Variants in LEPROTL1 observed in about 807,000 individuals in gnomAD.
LEPROTL1 encodes the protein leptin receptor overlapping transcript-like 1.
A neutral mutation model predicts 15.4 loss-of-function variants in LEPROTL1; 6 were observed. The ratio of observed to expected loss-of-function variants is 0.39; its 90% CI spans 0.21 to 0.77. The LOEUF (loss-of-function observed/expected upper bound fraction) is 0.77, where lower values mean the gene tolerates loss of function less well. LEPROTL1 is among the 30% of genes least tolerant of loss of function. The pLI, the probability that LEPROTL1 is intolerant of heterozygous loss-of-function variation, is 0.41. For synonymous variants in LEPROTL1, 56 were observed against 52.6 expected (o/e 1.06, Z -0.28); for missense variants, 128 against 158.1 (o/e 0.81, Z 1.02).
Position 30,107,473 on chromosome 8 carries a change from T to TCCCA in LEPROTL1, c.*1611_*1612insCCCA. On this transcript the variant is annotated 3_prime_UTR_variant, in exon 4 of 4. Coordinates refer to ENST00000321250, the MANE Select transcript of LEPROTL1 (RefSeq NM_015344.3). ...GCTGTCTGTTGTTTTATGAAGTTTA[T>TCCCA]TTCTCAAGAAAATGGGAATAAATTT... The TCCCA allele has an allele frequency of 2.0e-6, 2 of 985,884 alleles. No homozygotes were observed. Among genetic ancestry groups the TCCCA allele is most frequent in the Non-Finnish European group, 2.4e-6 (2 of 829,926 alleles). 61.1% of individuals were successfully genotyped at this position (985,884 alleles called of 1,614,324 possible).
chr8:30,126,582 G>A (rs995520312), intron 3 of LEPROTL1, among the ~76,000 whole-genome samples: 11 of 152,184 alleles, frequency 7.2e-5, no homozygotes, highest in African/African-American at 2.7e-4. Context: ...GCCAAGGTTG[G>A]ATTGTCTCCT....
intron 4 of LEPROTL1, chr8:30,137,155 G>T (rs1472980080): frequency 1.2e-5 from 10 of 805,940 alleles, no homozygotes; most frequent in Non-Finnish European, 1.8e-5. Context: ...ACCAGAGAGA[G>T]CCAGGAACAT....
At chr8:30,134,560 G>A (rs1197036683) in intron 4 of LEPROTL1, among the ~76,000 whole-genome samples, 1 of 151,304 alleles carries the variant, frequency 6.6e-6, no homozygotes, top group African/African-American at 2.4e-5. Flanking sequence ...TATTTTTTTG[G>A]AGACAGAGTC....
downstream of LEPROTL1, among the ~76,000 whole-genome samples, chr8:30,108,879 C>T (rs1802613469): frequency 6.6e-6 from 1 of 152,034 alleles, no homozygotes; most frequent in African/African-American, 2.4e-5. Flanking sequence ...CGCCCTGCCG[C>T]TCAGCCTTCT....
At position 30,095,490 on chromosome 8, in the gene LEPROTL1, G is replaced by A; in HGVS notation, c.-23G>A. 1 of 1,463,176 alleles carries A rather than the reference G, an allele frequency of 6.8e-7. No individual in the cohort carries two copies. Among genetic ancestry groups the A allele is most frequent in the Non-Finnish European group, 9.0e-7 (1 of 1,111,736 alleles). The allele number at this position is 1,463,176 out of a possible 1,614,324, so 90.6% of individuals were successfully genotyped here. A position where few individuals can be genotyped will look rare whatever the true frequency, so the allele number is the denominator to read the frequency against. On this transcript the variant is annotated 5_prime_UTR_variant, in exon 1 of 4. Transcript: ENST00000321250. Reference sequence around the variant, plus strand: ...GCTGCCGCCGCCGCCTCGGGTCGTGGAGCCAGGAGCGACGTCACCGCCATG... The same window carrying A: ...GCTGCCGCCGCCGCCTCGGGTCGTGAAGCCAGGAGCGACGTCACCGCCATG...
intron 3 of LEPROTL1, among the ~76,000 whole-genome samples, chr8:30,125,198 A>T (rs1293329623): frequency 6.6e-6 from 1 of 152,232 alleles, no homozygotes; most frequent in Admixed American, 6.5e-5. Flanking sequence ...CCTTAGAAAT[A>T]ATCTGGCATC....
chr8:30,127,293 A>G (rs991883214), intron 3 of LEPROTL1, among the ~76,000 whole-genome samples: 2 of 152,164 alleles, frequency 1.3e-5, no homozygotes, highest in African/African-American at 4.8e-5. Context: ...ACTCTCAGAC[A>G]CTATTTTCAA....
intron 2 of LEPROTL1, among the ~76,000 whole-genome samples, chr8:30,102,725 A>G (rs1229827666): frequency 6.6e-6 from 1 of 152,186 alleles, no homozygotes; most frequent in Admixed American, 6.5e-5. Context: ...CATTTAGATA[A>G]ATTAGAAAAA....
At chr8:30,137,103 A>C (rs1381820538) in intron 4 of LEPROTL1, among the ~76,000 whole-genome samples, 1 of 152,148 alleles carries the variant, frequency 6.6e-6, no homozygotes, top group East Asian at 1.9e-4. Context: ...CTGGAGCATC[A>C]CAGCCTCTGT....
At position 30,133,542 on chromosome 8, in the gene LEPROTL1, G is replaced by GA. The variant is rs1803071824; in HGVS notation, c.394+1055dup. ...CTTCCATCCTGAAATCTTCCATCCTGAATAGGAGAATTTGCCTGGGAAATT... is the reference window on the plus strand; with the variant it reads ...CTTCCATCCTGAAATCTTCCATCCTGAAATAGGAGAATTTGCCTGGGAAATT... On this transcript the variant is annotated intron_variant, in intron 4 of 4. Coordinates refer to the LEPROTL1 transcript ENST00000442880. Among the ~76,000 whole-genome samples the GA allele has an allele frequency of 6.6e-5, 10 of 152,266 alleles. No homozygotes were observed. In the South Asian group the frequency reaches 2.1e-3, roughly 32 times the overall value.
chr8:30,101,499 C>T (rs1802465336), intron 1 of LEPROTL1, among the ~76,000 whole-genome samples: 1 of 152,008 alleles, frequency 6.6e-6, no homozygotes, highest in Admixed American at 6.6e-5. Context: ...GAAACTCCAT[C>T]TCTACTGAAA....
intron 3 of LEPROTL1, among the ~76,000 whole-genome samples, chr8:30,116,786 G>T (rs947646419): frequency 3.6e-4 from 55 of 152,180 alleles, no homozygotes; most frequent in Non-Finnish European, 1.0e-4. Flanking sequence ...CCAAGAAGGG[G>T]GTTGGAACCT....
chr8:30,115,082 GC>G (rs1198622884), intron 3 of LEPROTL1, among the ~76,000 whole-genome samples: 33 of 152,054 alleles, frequency 2.2e-4, no homozygotes, highest in African/African-American at 7.5e-4. Flanking sequence ...AAATACTGTG[GC>G]CCAGGAGTGG....
intron 1 of LEPROTL1, among the ~76,000 whole-genome samples, chr8:30,100,316 C>G (rs1290722068): frequency 6.6e-6 from 1 of 152,158 alleles, no homozygotes; most frequent in Non-Finnish European, 1.5e-5. Flanking sequence ...TTTAGACCTT[C>G]TACAAATCTT....
At chr8:30,097,694 T>C (rs796108947) in intron 1 of LEPROTL1, among the ~76,000 whole-genome samples, 12,263 of 79,712 alleles carry the variant, frequency 0.15, 756 homozygotes, top group South Asian at 0.19. Flanking sequence ...AATATATATA[T>C]ATATACACAC....
chr8:30,100,124 G>A (rs1191847516), intron 1 of LEPROTL1, among the ~76,000 whole-genome samples: 4 of 152,166 alleles, frequency 2.6e-5, no homozygotes, highest in South Asian at 2.1e-4. Flanking sequence ...TGATGTGTTC[G>A]GGGTTGCCAT....
intron 1 of LEPROTL1, among the ~76,000 whole-genome samples, chr8:30,100,349 T>C (rs1028131962): frequency 3.3e-5 from 5 of 152,268 alleles, no homozygotes; most frequent in Admixed American, 6.5e-5. Context: ...TTTTGAATTT[T>C]AATAAAATGA....
chr8:30,098,276 T>A (rs1186465901), intron 1 of LEPROTL1, among the ~76,000 whole-genome samples: 2 of 152,232 alleles, frequency 1.3e-5, no homozygotes, highest in Non-Finnish European at 2.9e-5. Flanking sequence ...TTCACTTAAT[T>A]TTTGTTCTGG....
Position 30,104,276 on chromosome 8 carries a change from ATTAAC to A in LEPROTL1, c.93-20_93-16del. On this transcript the variant is annotated intron_variant, in intron 2 of 3. Coordinates refer to ENST00000321250, the MANE Select transcript of LEPROTL1 (RefSeq NM_015344.3). Reference sequence around the variant, plus strand: ...AGGAAAATGACATAGCAAAAATTACATTAACTTATTTTTCTTTTTCTAGCAAATAC... The same window carrying A: ...AGGAAAATGACATAGCAAAAATTACATTATTTTTCTTTTTCTAGCAAATAC... The A allele has an allele frequency of 7.2e-7, 1 of 1,390,266 alleles. No homozygotes were observed. Among genetic ancestry groups the A allele is most frequent in the Non-Finnish European group, 9.7e-7 (1 of 1,034,008 alleles). 86.1% of individuals were successfully genotyped at this position (1,390,266 alleles called of 1,614,324 possible).
Sources: gnomAD v4.1 joint callset for allele counts (sites outside exome capture counted in the v4.1 genomes callset) on GRCh38, gnomAD v4.1.1 for gene constraint, MANE v1.5 for transcripts, NCBI Gene and HGNC (gene_info 2026-07-23, HGNC 2026-07-21) for gene names.